DCTN6: variants seen among roughly 807,000 people sequenced by gnomAD.
The protein encoded by DCTN6 is dynactin 6.
In DCTN6, 15 loss-of-function variants were observed where a neutral mutation model predicts 25.8. The observed-to-expected ratio is 0.58, with a 90% CI of 0.39 to 0.89. DCTN6 has a LOEUF of 0.89. DCTN6 is among the 40% of genes least tolerant of loss of function. The probability of loss-of-function intolerance (pLI) is 0.00; values close to 1 mark genes in which losing one functional copy is unlikely to be tolerated. For synonymous variants in DCTN6, 64 were observed against 78.3 expected (o/e 0.82, Z 0.96); for missense variants, 198 against 237.6 (o/e 0.83, Z 1.09).
intron 1 of DCTN6, among the ~76,000 whole-genome samples, chr8:30,158,347 A>C (rs763584112): frequency 5.9e-5 from 9 of 152,158 alleles, no homozygotes; most frequent in Non-Finnish European, 1.3e-4. Flanking sequence ...CCAGGGCTTA[A>C]TAAAATTGCA....
chr8:30,163,264 T>C (rs1480347807), intron 1 of DCTN6, among the ~76,000 whole-genome samples: 1 of 152,102 alleles, frequency 6.6e-6, no homozygotes, highest in Admixed American at 6.6e-5. Context: ...GCCATTGCAC[T>C]CCAGCCTGGG....
chr8:30,165,870 A>AAAAAAAGAAAAAAGAAAAAAG (rs1339906820), intron 2 of DCTN6: 1 of 149,088 alleles, frequency 6.7e-6, no homozygotes, highest in East Asian at 1.9e-4. Flanking sequence ...TCAGAAAAAA[A>AAAAAAAGAAAAAAGAAAAAAG]AAAAAAGAAA....
At chr8:30,161,540 G>T (rs912623764) in intron 1 of DCTN6, among the ~76,000 whole-genome samples, 1 of 152,060 alleles carries the variant, frequency 6.6e-6, no homozygotes, top group Non-Finnish European at 1.5e-5. Flanking sequence ...CCCTGGTCAT[G>T]GTGTACAAGC....
At chr8:30,164,070 T>C in intron 1 of DCTN6, 41 bp from the exon 2 acceptor site, 1 of 1,542,758 alleles carries the variant, frequency 6.5e-7, no homozygotes, top group South Asian at 1.1e-5. Context: ...ACAGTATGTT[T>C]AATCTTACCC....
intron 5 of DCTN6, 46 bp downstream of exon 5, chr8:30,179,501 C>T (rs1350016101): frequency 1.2e-5 from 18 of 1,540,268 alleles, no homozygotes; most frequent in Non-Finnish European, 1.5e-5. Context: ...GACCTCTTTT[C>T]TCTTTGTGGT....
chr8:30,163,716 T>C (rs1466518526), intron 1 of DCTN6, among the ~76,000 whole-genome samples: 11 of 150,940 alleles, frequency 7.3e-5, no homozygotes, highest in East Asian at 5.9e-4. Context: ...TTTTTTTTTT[T>C]CCTGAGACAG....
chr8:30,164,177 T>C lies in DCTN6; in HGVS notation c.88+2T>C, dbSNP rs1413316189. 6.2e-7 allele frequency: 1 copy of C among 1,606,612 alleles called. No homozygotes were observed. Among genetic ancestry groups the C allele is most frequent in the African/African-American group, 1.3e-5 (1 of 74,770 alleles). On this transcript the variant is annotated splice_donor_variant, in intron 2 of 6. Transcript: ENST00000221114. LOFTEE classifies it high-confidence loss of function. ...AAATCAGAGGAGATGTAACTATCGG[T>C]AAGAAATAGTTTATTTACTGTTTTT...
intron 1 of DCTN6, among the ~76,000 whole-genome samples, chr8:30,159,069 A>G (rs1377254360): frequency 6.6e-6 from 1 of 152,168 alleles, no homozygotes; most frequent in African/African-American, 2.4e-5. Context: ...GGCGTGAGCC[A>G]CTGCACCTGG....
At position 30,177,228 on chromosome 8, in the gene DCTN6, T is replaced by C. The variant is rs1375870408; in HGVS notation, c.283+14T>C. On this transcript the variant is annotated intron_variant, in intron 4 of 6. Transcript: ENST00000221114. The stretch of plus-strand genomic sequence containing the variant: ...AAGTTGGCTGTTGTATCCTTTACAA[T>C]AATCTACCATAAATAATTCCTGGCT... The C allele has an allele frequency of 1.3e-6, 2 of 1,595,622 alleles. No individual in the cohort carries two copies. The highest frequency in any genetic ancestry group is 2.7e-5 in the African/African-American group (2 of 74,426).
At chr8:30,177,316 A>T (rs1426244362) in intron 4 of DCTN6, 102 bp downstream of exon 4, 1 of 853,400 alleles carries the variant, frequency 1.2e-6, no homozygotes, top group African/African-American at 1.7e-5. Flanking sequence ...CTCCTTTAGT[A>T]CCTAAGTCTT....
At chr8:30,182,205 G>A (rs1803918586) in intron 6 of DCTN6, among the ~76,000 whole-genome samples, 1 of 152,118 alleles carries the variant, frequency 6.6e-6, no homozygotes, top group Non-Finnish European at 1.5e-5. Context: ...TAATCATAAG[G>A]ATTATGTAGA....
At chr8:30,170,849 G>A (rs1447337026) in intron 2 of DCTN6, among the ~76,000 whole-genome samples, 4 of 151,720 alleles carry the variant, frequency 2.6e-5, no homozygotes, top group Non-Finnish European at 4.4e-5. Flanking sequence ...CATGTTGCCC[G>A]GTCTCGAACT....
rs371782984 is a variant in DCTN6 at position 30,173,731 on chromosome 8, TAAA to T, written c.89-1333_89-1331del. 2.1e-3 allele frequency among the ~76,000 whole-genome samples: 203 copies of T among 96,034 alleles called. 2 individuals are homozygous for T. Among genetic ancestry groups the T allele is most frequent in the African/African-American group, 6.3e-3 (179 of 28,306 alleles). 63.0% of individuals were successfully genotyped at this position (96,034 alleles called of 152,430 possible). A position where few individuals can be genotyped will look rare whatever the true frequency, so the allele number is the denominator to read the frequency against. ...GGTGACAGAATGAGACCCTGTCTCTTAAAAAAAAAAAAAAAAAAAAAAACCAGT... is the reference window on the plus strand; with the variant it reads ...GGTGACAGAATGAGACCCTGTCTCTTAAAAAAAAAAAAAAAAAAAACCAGT... On this transcript the variant is annotated intron_variant, in intron 2 of 6. Coordinates refer to ENST00000221114, the MANE Select transcript of DCTN6 (RefSeq NM_006571.4).
intron 1 of DCTN6, 40 bp downstream of exon 1, chr8:30,156,446 C>T (rs1235606697): frequency 2.5e-6 from 4 of 1,582,598 alleles, no homozygotes; most frequent in Non-Finnish European, 3.4e-6. Context: ...CTCAGCTTTC[C>T]GTAGGGGTGG....
At chr8:30,161,311 T>G (rs974084792) in intron 1 of DCTN6, among the ~76,000 whole-genome samples, 5 of 152,156 alleles carry the variant, frequency 3.3e-5, no homozygotes, top group African/African-American at 9.7e-5. Flanking sequence ...AAATTACCCA[T>G]TCTCAGGGAA....
rs145932152 is a variant in DCTN6 at position 30,179,629 on chromosome 8, T to C, written c.331+174T>C. 2.6e-5 allele frequency among the ~76,000 whole-genome samples: 4 copies of C among 152,340 alleles called. No homozygotes were observed. The East Asian group carries it at 5.8e-4, about 22-fold the overall frequency. ...AACCTAATCTGGTTATGTGGTTATC[T>C]GGTAATGTTAAATACATTAAATTTA... On this transcript the variant is annotated intron_variant, in intron 5 of 6. Transcript: ENST00000221114.
chr8:30,174,424 C>A (rs938210412), intron 2 of DCTN6, among the ~76,000 whole-genome samples: 2 of 151,934 alleles, frequency 1.3e-5, no homozygotes, highest in African/African-American at 4.8e-5. Flanking sequence ...CCTTTGCTTC[C>A]TGTGTTCACA....
intron 2 of DCTN6, among the ~76,000 whole-genome samples, chr8:30,166,559 G>GC (rs35782300): frequency 0.011 from 1,607 of 152,150 alleles, 36 homozygotes; most frequent in East Asian, 0.057. Context: ...GTGGTGGGGG[G>GC]GGTATGTATT....
chr8:30,175,292 A>G (rs1019677604), intron 3 of DCTN6, 102 bp downstream of exon 3: 2 of 933,702 alleles, frequency 2.1e-6, no homozygotes, highest in Middle Eastern at 4.4e-4. Context: ...CAGGAGGCCT[A>G]CTATTTTAGA....
Sources: allele counts gnomAD v4.1 joint callset (sites outside exome capture counted in the v4.1 genomes callset), GRCh38; gene constraint gnomAD v4.1.1; transcripts MANE v1.5; gene names NCBI Gene and HGNC (gene_info 2026-07-23, HGNC 2026-07-21).